SAMD5: variants seen among roughly 807,000 people sequenced by gnomAD.
The protein encoded by SAMD5 is sterile alpha motif domain containing 5, also known as sterile alpha motif domain-containing protein 5.
SAMD5 carries 13 observed loss-of-function variants against 11.3 expected under a neutral mutation model. The observed-to-expected ratio is 1.15, with a 90% confidence interval of 0.75 to 1.83. The LOEUF (loss-of-function observed/expected upper bound fraction) is 1.83. SAMD5 is among the 40% of genes most tolerant of loss of function. The probability of loss-of-function intolerance (pLI) is 0.00; values close to 1 mark genes in which losing one functional copy is unlikely to be tolerated. For missense variants in SAMD5, 255 were observed against 239.1 expected (o/e 1.07, Z -0.44); for synonymous variants, 129 against 111.3 (o/e 1.16, Z -1.00).
downstream of SAMD5, among the ~76,000 whole-genome samples, chr6:147,574,779 A>G (rs117515788): frequency 6.6e-6 from 1 of 152,244 alleles, no homozygotes; most frequent in East Asian, 1.9e-4. Flanking sequence ...TTTATGAGGA[A>G]CTTAATACCA....
the SAMD5 span, among the ~76,000 whole-genome samples, chr6:147,799,293 G>T: frequency 8.5e-5 from 13 of 152,126 alleles, no homozygotes; most frequent in Middle Eastern, 0.014. Flanking sequence ...GCATTTGCTT[G>T]TCTGTAAAGT....
the SAMD5 span, among the ~76,000 whole-genome samples, chr6:147,880,672 G>T: frequency 6.6e-6 from 1 of 152,112 alleles, no homozygotes; most frequent in Non-Finnish European, 1.5e-5. Flanking sequence ...CCTTCAGCTC[G>T]TGGGTGGTTT....
intron 1 of SAMD5, among the ~76,000 whole-genome samples, chr6:147,685,374 ATGT>A (rs1450116468): frequency 6.6e-6 from 1 of 152,044 alleles, no homozygotes; most frequent in Non-Finnish European, 1.5e-5. Context: ...GGATTTCACC[ATGT>A]TGCCAAGGCT....
chr6:147,752,772 C>T, the SAMD5 span, among the ~76,000 whole-genome samples: 17 of 152,106 alleles, frequency 1.1e-4, no homozygotes, highest in African/African-American at 4.1e-4. Flanking sequence ...CATGGTGGCT[C>T]AGTTAAGGCA....
At chr6:147,547,481 CT>C (rs1204316631) in intron 1 of SAMD5, among the ~76,000 whole-genome samples, 1 of 106 alleles carries the variant, frequency 9.4e-3, no homozygotes, top group Non-Finnish European at 0.017. Context: ...ATGGTCCACT[CT>C]CTTGAGCTGG....
chr6:147,925,682 C>CTTTT, the SAMD5 span, among the ~76,000 whole-genome samples: 10 of 115,254 alleles, frequency 8.7e-5, no homozygotes, highest in African/African-American at 2.3e-4. Context: ...ACTGAGAATT[C>CTTTT]TTTTTTTTTT....
intron 1 of SAMD5, among the ~76,000 whole-genome samples, chr6:147,716,106 C>T (rs188362230): frequency 1.9e-3 from 282 of 152,290 alleles, no homozygotes; most frequent in African/African-American, 6.3e-3. Context: ...CTGTCTGCCT[C>T]CTGCCGCCAT....
chr6:147,799,980 G>T, the SAMD5 span, among the ~76,000 whole-genome samples: 34 of 151,748 alleles, frequency 2.2e-4, no homozygotes, highest in Admixed American at 5.2e-4. Context: ...CTAAATTTTT[G>T]TCAAAGTTTT....
the SAMD5 span, among the ~76,000 whole-genome samples, chr6:147,899,324 G>A: frequency 6.6e-6 from 1 of 152,060 alleles, no homozygotes; most frequent in Non-Finnish European, 1.5e-5. Flanking sequence ...GGAGTTGTGA[G>A]GCTTGGGGCT....
chr6:147,510,759 TA>T (rs1788076363), intron 1 of SAMD5, among the ~76,000 whole-genome samples: 1 of 152,204 alleles, frequency 6.6e-6, no homozygotes, highest in African/African-American at 2.4e-5. Context: ...ATTGGTTTTT[TA>T]AGGAGGATAC....
At chr6:147,799,630 G>A in the SAMD5 span, among the ~76,000 whole-genome samples, 1 of 151,530 alleles carries the variant, frequency 6.6e-6, no homozygotes, top group East Asian at 1.9e-4. Flanking sequence ...TACTAGATTG[G>A]GGAAATTCTC....
the SAMD5 span, among the ~76,000 whole-genome samples, chr6:147,798,639 C>G: frequency 6.6e-6 from 1 of 151,972 alleles, no homozygotes; most frequent in Non-Finnish European, 1.5e-5. Context: ...CTTTTTGTCT[C>G]GTTGATCTGT....
intron 1 of SAMD5, among the ~76,000 whole-genome samples, chr6:147,611,598 C>T (rs926702643): frequency 1.6e-4 from 25 of 151,914 alleles, no homozygotes; most frequent in Admixed American, 7.2e-4. Context: ...AATAAATCAC[C>T]GCAGAAAGTG....
chr6:147,622,724 T>G (rs746495696), intron 1 of SAMD5, among the ~76,000 whole-genome samples: 1 of 152,120 alleles, frequency 6.6e-6, no homozygotes, highest in Non-Finnish European at 1.5e-5. Flanking sequence ...ACTCAAAATG[T>G]TATTTGGTTC....
At chr6:147,660,495 G>T (rs1790632565) in intron 1 of SAMD5, among the ~76,000 whole-genome samples, 1 of 152,136 alleles carries the variant, frequency 6.6e-6, no homozygotes, top group Non-Finnish European at 1.5e-5. Flanking sequence ...GCTTGTTAAA[G>T]TTCATGATCT....
chr6:147,638,364 G>A (rs925917300), intron 1 of SAMD5, among the ~76,000 whole-genome samples: 9 of 152,170 alleles, frequency 5.9e-5, no homozygotes, highest in Non-Finnish European at 1.3e-4. Context: ...TTTAATAAAG[G>A]TATTTTTTCT....
the SAMD5 span, among the ~76,000 whole-genome samples, chr6:147,890,753 G>T: frequency 6.8e-6 from 1 of 146,342 alleles, no homozygotes; most frequent in African/African-American, 2.5e-5. Flanking sequence ...TATTTGGATA[G>T]TTTTTTTTTT....
chr6:147,846,775 G>A, the SAMD5 span, among the ~76,000 whole-genome samples: 4 of 152,262 alleles, frequency 2.6e-5, no homozygotes, highest in East Asian at 5.8e-4. Flanking sequence ...CGCTGAGATC[G>A]TGTCACTGCA....
rs1474075801 is a variant in SAMD5 at position 147,564,418 on chromosome 6, T to C, written c.484T>C (p.Tyr162His). The C allele has an allele frequency of 1.3e-6, 1 of 780,824 alleles. No homozygotes were observed. The highest frequency in any genetic ancestry group is 1.3e-5 in the South Asian group (1 of 74,604). 48.4% of individuals were successfully genotyped at this position (780,824 alleles called of 1,614,324 possible). ...GGTCCCAATGGCTGGCATCCTAGAG[T>C]ACTTAATGAATTGGCCGAAGTCATC... ...RKVPMAGILE[Y>H]LMNWPKSSQS... Residue 162 changes from tyrosine to histidine, a missense_variant, in exon 2 of 2, where the codon TAC (tyrosine) becomes CAC (histidine). Tyr to His is a moderately conservative substitution (Grantham distance 83). Transcript: ENST00000367474.
Sources: gnomAD v4.1 joint callset for allele counts (sites outside exome capture counted in the v4.1 genomes callset) on GRCh38, gnomAD v4.1.1 for gene constraint, MANE v1.5 for transcripts, NCBI Gene and HGNC (gene_info 2026-07-23, HGNC 2026-07-21) for gene names.